OR4A15: variants seen among roughly 807,000 people sequenced by gnomAD.
The protein encoded by OR4A15 is olfactory receptor family 4 subfamily A member 15.
For synonymous variants in OR4A15, 240 were observed against 135.6 expected, an observed-to-expected ratio of 1.77 and a Z score of -5.35; for missense variants, 657 against 374.7, an observed-to-expected ratio of 1.75 and a Z score of -6.22.
exon 1 of OR4A15, chr11:55,368,679 T>C (rs1419940342): frequency 6.2e-7 from 1 of 1,613,676 alleles, no homozygotes; most frequent in Non-Finnish European, 8.5e-7. Flanking sequence ...AAAAGCTTTC[T>C]ACACCTGTGC....
chr11:55,368,462 G>A (rs774102160), exon 1 of OR4A15: 2 of 1,610,372 alleles, frequency 1.2e-6, no homozygotes, highest in South Asian at 2.2e-5. Context: ...TTATTTATCA[G>A]CTCCCTTTCT....
chr11:55,368,416 T>A (rs201580831), exon 1 of OR4A15: 1 of 1,613,494 alleles, frequency 6.2e-7, no homozygotes, highest in Non-Finnish European at 8.5e-7. Flanking sequence ...GCGGCCTGGA[T>A]TGGAGGCTTT....
At chr11:55,368,834 G>A (rs1853896251) in exon 1 of OR4A15, 1 of 1,613,218 alleles carries the variant, frequency 6.2e-7, no homozygotes, top group Non-Finnish European at 8.5e-7. Flanking sequence ...TCTATACCCT[G>A]AAGAATGCAG....
exon 1 of OR4A15, chr11:55,368,448 C>A (rs769776372): frequency 4.2e-5 from 68 of 1,611,168 alleles, no homozygotes; most frequent in Non-Finnish European, 5.1e-5. Flanking sequence ...GGTTCAATTT[C>A]TCTTTATTTA....
exon 1 of OR4A15, chr11:55,368,176 A>G (rs1481667824): frequency 6.2e-7 from 1 of 1,613,248 alleles, no homozygotes; most frequent in Non-Finnish European, 8.5e-7. Context: ...TCATTCATAG[A>G]TACCGTCTAT....
exon 1 of OR4A15, chr11:55,368,789 T>G: frequency 6.2e-7 from 1 of 1,613,712 alleles, no homozygotes. Flanking sequence ...TGACTGTAGT[T>G]CTAACTTTTA....
Position 55,368,322 on chromosome 11 carries a change from G to A in OR4A15, c.349G>A (p.Ala117Thr), listed in dbSNP as rs142390983. ...TGAAGTCATTCTTCTGGTGGTAATGGCCTATGATCGATACATGGCCATCTG... is the reference window on the plus strand; with the variant it reads ...TGAAGTCATTCTTCTGGTGGTAATGACCTATGATCGATACATGGCCATCTG... The change falls in exon 1 of 1, where the codon GCC becomes ACC. Residue 117 changes from alanine to threonine, a missense_variant. Ala to Thr is a moderately conservative substitution (Grantham distance 58). Transcript: ENST00000641526. 22 of 1,613,346 alleles carry A rather than the reference G, an allele frequency of 1.4e-5. No homozygotes were observed. Among genetic ancestry groups the A allele is most frequent in the Non-Finnish European group, 1.8e-5 (21 of 1,179,568 alleles).
exon 1 of OR4A15, chr11:55,368,251 A>G (rs768265498): frequency 6.2e-7 from 1 of 1,613,818 alleles, no homozygotes; most frequent in South Asian, 1.1e-5. Context: ...ATTTCCTTTC[A>G]GGGTTGTATG....
chr11:55,368,856 G>A (rs747122161), exon 1 of OR4A15: 6 of 1,611,696 alleles, frequency 3.7e-6, no homozygotes, highest in Non-Finnish European at 5.1e-6. Flanking sequence ...AATGAAAAGT[G>A]CCATGAGGAA....
chr11:55,368,415 A>G, exon 1 of OR4A15: 1 of 1,613,442 alleles, frequency 6.2e-7, no homozygotes, highest in Non-Finnish European at 8.5e-7. Context: ...GGCGGCCTGG[A>G]TTGGAGGCTT....
At chr11:55,368,191 C>T in exon 1 of OR4A15, 2 of 1,613,518 alleles carry the variant, frequency 1.2e-6, no homozygotes, top group Non-Finnish European at 1.7e-6. Flanking sequence ...GTCTATTCTA[C>T]TGCATTTGCT....
At position 55,367,990 on chromosome 11, in the gene OR4A15, A is replaced by G. The variant is rs746124365; in HGVS notation, c.17A>G (p.Asn6Ser). Reference sequence around the variant, plus strand: ...GAAGAACACATGAAAAATAAGAACAATGTGACTGAATTTATCCTCTTAGGG... The same window carrying G: ...GAAGAACACATGAAAAATAAGAACAGTGTGACTGAATTTATCCTCTTAGGG... The change falls in exon 1 of 1, where the codon AAT becomes AGT. Residue 6 changes from asparagine (N) to serine (S), a missense_variant. Physicochemically the swap from Asn to Ser is conservative, Grantham distance 46. Transcript: ENST00000641526. 4.3e-6 allele frequency: 7 copies of G among 1,613,316 alleles called. No individual in the cohort carries two copies. In the African/African-American group the frequency reaches 5.3e-5, roughly 12 times the overall value.
At position 55,368,765 on chromosome 11, in the gene OR4A15, C is replaced by T. The variant is rs760049873; in HGVS notation, c.792C>T (p.Pro264=). The stretch of plus-strand genomic sequence containing the variant: ...ATGCAAGGCCCAATTCTACTTTTCC[C>T]ATTGATAAATCCATGACTGTAGTTC... Residue 264 remains proline, a synonymous_variant, in exon 1 of 1, where the codon CCC becomes CCT. Coordinates refer to ENST00000641526, the Ensembl canonical transcript of OR4A15. The T allele has an allele frequency of 3.5e-5, 57 of 1,613,582 alleles. No homozygotes were observed. In the Admixed American group the frequency reaches 8.7e-4, roughly 25 times the overall value.
exon 1 of OR4A15, chr11:55,368,592 G>A (rs1409043989): frequency 6.2e-7 from 1 of 1,613,654 alleles, no homozygotes. Context: ...GATTTGTGCT[G>A]TCACCTTCTT....
At chr11:55,368,030 T>A in exon 1 of OR4A15, 1 of 1,613,550 alleles carries the variant, frequency 6.2e-7, no homozygotes, top group East Asian at 2.2e-5. Context: ...CACAGAACCC[T>A]GAGGGGCAAA....
At chr11:55,368,883 G>T (rs1392127114) in exon 1 of OR4A15, 3 of 1,608,106 alleles carry the variant, frequency 1.9e-6, no homozygotes, top group Non-Finnish European at 1.7e-6. Flanking sequence ...GAGTAAAAAA[G>T]TAAGCTTAGC....
exon 1 of OR4A15, chr11:55,368,182 T>C (rs141578204): frequency 6.7e-4 from 1,089 of 1,613,416 alleles, no homozygotes; most frequent in Non-Finnish European, 8.2e-4. Flanking sequence ...ATAGATACCG[T>C]CTATTCTACT....
At chr11:55,368,587 G>A (rs762535138) in exon 1 of OR4A15, 2 of 1,613,636 alleles carry the variant, frequency 1.2e-6, no homozygotes. Flanking sequence ...GGAGCGATTT[G>A]TGCTGTCACC....
At chr11:55,368,402 G>T (rs767396031) in exon 1 of OR4A15, 6 of 1,613,744 alleles carry the variant, frequency 3.7e-6, no homozygotes, top group Non-Finnish European at 5.1e-6. Flanking sequence ...TTCTTATGCT[G>T]TTGGCGGCCT....
Sources: allele counts gnomAD v4.1 joint callset, GRCh38; gene constraint gnomAD v4.1.1; transcripts MANE v1.5; gene names NCBI Gene and HGNC (gene_info 2026-07-23, HGNC 2026-07-21).